FMNL2: variants seen among roughly 807,000 people sequenced by gnomAD.
FMNL2 encodes formin like 2.
Under a neutral mutation model 130.2 loss-of-function variants are expected in FMNL2, and 51 were observed. That is an observed-to-expected ratio of 0.39 (90% confidence interval 0.31 to 0.49). The LOEUF (loss-of-function observed/expected upper bound fraction) is 0.49. Ranked by LOEUF, FMNL2 falls within the 20% of genes least tolerant of loss-of-function variation. The pLI, the probability that FMNL2 is intolerant of heterozygous loss-of-function variation, is 0.85. For synonymous variants in FMNL2, 465 were observed against 467.1 expected (o/e 1.00, Z 0.06); for missense variants, 977 against 1,316.2 (o/e 0.74, Z 3.99).
chr2:152,590,016 CAT>C (rs1207399893), intron 9 of FMNL2, among the ~76,000 whole-genome samples: 44 of 52,372 alleles, frequency 8.4e-4, no homozygotes, highest in African/African-American at 2.6e-3. Context: ...TATACATATA[CAT>C]ATATATATAC....
intron 1 of FMNL2, among the ~76,000 whole-genome samples, chr2:152,460,979 C>A (rs1029597725): frequency 3.9e-5 from 6 of 152,178 alleles, no homozygotes; most frequent in African/African-American, 1.4e-4. Context: ...CAAACCATCT[C>A]CCCCTTGCCT....
At chr2:152,390,082 A>C (rs1685018305) in intron 1 of FMNL2, 1 of 1,498,248 alleles carries the variant, frequency 6.7e-7, no homozygotes, top group South Asian at 1.1e-5. Context: ...AAGCAGGAGA[A>C]GAAGGAGGAA....
At chr2:152,606,629 C>CTTTTTTTTTTTTTTTTTTTTTTTTTTTTT (rs70974875) in intron 9 of FMNL2, among the ~76,000 whole-genome samples, 3 of 105,480 alleles carry the variant, frequency 2.8e-5, no homozygotes, top group Non-Finnish European at 3.8e-5. Flanking sequence ...TTTTTTGACT[C>CTTTTTTTTTTTTTTTTTTTTTTTTTTTTT]TTTTTTTTTT....
intron 1 of FMNL2, among the ~76,000 whole-genome samples, chr2:152,378,986 CAAAAAAAAAAA>C (rs34091948): frequency 1.4e-4 from 6 of 41,980 alleles, no homozygotes; most frequent in East Asian, 2.1e-3. Context: ...AGACCAGCTG[CAAAAAAAAAAA>C]AAAAAAAAAA....
chr2:152,383,273 CTTTTTTTTTTT>C (rs35206829), intron 1 of FMNL2, among the ~76,000 whole-genome samples: 15 of 97,600 alleles, frequency 1.5e-4, no homozygotes, highest in Non-Finnish European at 2.8e-4. Context: ...TCCGTTAATC[CTTTTTTTTTTT>C]TTTTTTTTTT....
At chr2:152,567,664 G>A (rs913756886) in intron 6 of FMNL2, among the ~76,000 whole-genome samples, 3 of 152,182 alleles carry the variant, frequency 2.0e-5, no homozygotes, top group Admixed American at 2.0e-4. Flanking sequence ...CTTGGTTAAA[G>A]TTCTATTAGC....
intron 1 of FMNL2, among the ~76,000 whole-genome samples, chr2:152,456,936 CAAAAAAA>C (rs59672196): frequency 5.2e-5 from 5 of 96,690 alleles, no homozygotes; most frequent in Admixed American, 3.1e-4. Context: ...GACTCCCTTT[CAAAAAAA>C]AAAAAAAAAA....
chr2:152,610,946 T>A (rs1698642228), intron 10 of FMNL2, among the ~76,000 whole-genome samples: 1 of 152,222 alleles, frequency 6.6e-6, no homozygotes, highest in Non-Finnish European at 1.5e-5. Flanking sequence ...TCCCAACTTT[T>A]GTTACTGTAT....
rs555965341 is a variant in FMNL2 at position 152,392,318 on chromosome 2, C to G, written c.117+56598C>G. Among the ~76,000 whole-genome samples, 4 of 152,128 alleles carry G rather than the reference C, an allele frequency of 2.6e-5. No individual in the cohort carries two copies. In the South Asian group the frequency reaches 8.3e-4, roughly 32 times the overall value. ...CTTTGGGATTGACTTTTCTCTCCCC[C>G]CCACTCATCACAGTGGGAATGCATT... On this transcript the variant is annotated intron_variant, in intron 1 of 25. Transcript: ENST00000288670.
intron 1 of FMNL2, among the ~76,000 whole-genome samples, chr2:152,383,263 TC>T (rs1255404300): frequency 7.0e-6 from 1 of 142,848 alleles, no homozygotes; most frequent in Admixed American, 7.6e-5. Context: ...TGTGGACACT[TC>T]CGTTAATCCT....
intron 9 of FMNL2, among the ~76,000 whole-genome samples, chr2:152,589,940 CATATATATATATATATATATATAT>C (rs771625998): frequency 7.5e-5 from 5 of 67,034 alleles, no homozygotes; most frequent in African/African-American, 2.3e-4. Context: ...TGGCTTTATA[CATATATATATATATATATATATAT>C]ATATATATAT....
At position 152,338,820 on chromosome 2, in the gene FMNL2, T is replaced by TACACAC. The variant is rs58367779; in HGVS notation, c.117+3128_117+3133dup. Among the ~76,000 whole-genome samples the TACACAC allele has an allele frequency of 1.1e-3, 157 of 148,968 alleles. 1 individual carries two copies. Among genetic ancestry groups the TACACAC allele is most frequent in the African/African-American group, 2.5e-3 (101 of 40,158 alleles). On this transcript the variant is annotated intron_variant, in intron 1 of 25. Transcript: ENST00000288670. ...TTTCAGGTACAGCTGGAAGGTGAGA[T>TACACAC]ACACACACACACACACACACACACA...
At chr2:152,557,164 G>A (rs1695262605) in intron 4 of FMNL2, among the ~76,000 whole-genome samples, 1 of 152,056 alleles carries the variant, frequency 6.6e-6, no homozygotes, top group Admixed American at 6.6e-5. Flanking sequence ...ACCACAGAAA[G>A]TACTTAAAAT....
intron 4 of FMNL2, 106 bp downstream of exon 4, chr2:152,549,203 A>G (rs959707036): frequency 7.2e-5 from 51 of 712,256 alleles, no homozygotes; most frequent in Non-Finnish European, 9.4e-5. Flanking sequence ...ATTATAAATT[A>G]AAAGACTGAG....
At position 152,631,998 on chromosome 2, in the gene FMNL2, T is replaced by C. The variant is rs1211143901; in HGVS notation, c.2551-10T>C. ...TCTTGTACCTAACCCACGTTCCCTTTTGTTTTCAGCTCTTAGATACAAAGT... is the reference window on the plus strand; with the variant it reads ...TCTTGTACCTAACCCACGTTCCCTTCTGTTTTCAGCTCTTAGATACAAAGT... On this transcript the variant is annotated splice_polypyrimidine_tract_variant and intron_variant, in intron 20 of 25. Coordinates refer to ENST00000288670, the MANE Select transcript of FMNL2 (RefSeq NM_052905.4). 12 of 1,608,836 alleles carry C rather than the reference T, an allele frequency of 7.5e-6. No individual in the cohort carries two copies. The highest frequency in any genetic ancestry group is 1.0e-5 in the Non-Finnish European group (12 of 1,177,886).
chr2:152,476,189 T>C (rs537199423), intron 1 of FMNL2, among the ~76,000 whole-genome samples: 91 of 152,344 alleles, frequency 6.0e-4, no homozygotes, highest in African/African-American at 2.0e-3. Context: ...GAGAGTCTGG[T>C]TGGCATCAAA....
chr2:152,505,386 C>A (rs13018434), intron 1 of FMNL2, among the ~76,000 whole-genome samples: 6,405 of 152,160 alleles, frequency 0.042, 414 homozygotes, highest in African/African-American at 0.14. Flanking sequence ...GAATTAGAAA[C>A]AATTCCAACT....
intron 1 of FMNL2, among the ~76,000 whole-genome samples, chr2:152,465,184 G>C (rs766210000): frequency 6.6e-6 from 1 of 152,240 alleles, no homozygotes; most frequent in African/African-American, 2.4e-5. Context: ...GTTCTGAAAA[G>C]ACTCCCCTCT....
At chr2:152,607,993 C>T (rs1180168138) in intron 10 of FMNL2, among the ~76,000 whole-genome samples, 1 of 152,098 alleles carries the variant, frequency 6.6e-6, no homozygotes, top group African/African-American at 2.4e-5. Flanking sequence ...TGCGGTTCCA[C>T]AGCAGTCCTG....
Sources: allele counts gnomAD v4.1 joint callset (sites outside exome capture counted in the v4.1 genomes callset), GRCh38; gene constraint gnomAD v4.1.1; transcripts MANE v1.5; gene names NCBI Gene and HGNC (gene_info 2026-07-23, HGNC 2026-07-21).